SOD3: variants seen among roughly 807,000 people sequenced by gnomAD.
The protein encoded by SOD3 is superoxide dismutase 3.
A neutral mutation model predicts 2.6 loss-of-function variants in SOD3; 3 were observed. The observed-to-expected ratio is 1.13, with a 90% CI of 0.52 to 2.93. The LOEUF (loss-of-function observed/expected upper bound fraction) is 2.93, where lower values mean the gene tolerates loss of function less well. SOD3 is among the 30% of genes most tolerant of loss of function. SOD3 has a pLI of 0.04. For missense variants in SOD3, 379 were observed against 370.4 expected, an observed-to-expected ratio of 1.02 and a Z score of -0.19; for synonymous variants, 188 against 177.5, an observed-to-expected ratio of 1.06 and a Z score of -0.47.
intron 1 of SOD3, 104 bp from the exon 2 acceptor site, chr4:24,799,402 C>T (rs1038221216): frequency 7.4e-7 from 1 of 1,351,536 alleles, no homozygotes. Context: ...AGGAAGCCCA[C>T]TGGGGACTGG....
At chr4:24,796,439 T>TTTG (rs1713663864) in intron 1 of SOD3, among the ~76,000 whole-genome samples, 2 of 121,060 alleles carry the variant, frequency 1.7e-5, no homozygotes, top group South Asian at 6.7e-4. Flanking sequence ...TCTTCTCTTT[T>TTTG]TTTTTTTTTT....
At position 24,799,496 on chromosome 4, in the gene SOD3, C is replaced by T; in HGVS notation, c.-16-10C>T. ...CACTCTGCCCCCACCTCCGCGGGGG[C>T]GTCCCGCAGGTGCCCGACTCCAGCC... is the stretch of plus-strand genomic sequence containing the variant. On this transcript the variant is annotated splice_polypyrimidine_tract_variant and intron_variant, in intron 1 of 1. Coordinates refer to ENST00000382120, the MANE Select transcript of SOD3 (RefSeq NM_003102.4). The T allele has an allele frequency of 6.3e-7, 1 of 1,594,820 alleles. No homozygotes were observed. Among genetic ancestry groups the T allele is most frequent in the Non-Finnish European group, 8.5e-7 (1 of 1,177,878 alleles).
chr4:24,799,414 G>A, intron 1 of SOD3, 92 bp from the exon 2 acceptor site: 2 of 1,440,234 alleles, frequency 1.4e-6, no homozygotes, highest in Non-Finnish European at 1.9e-6. Context: ...GGGGACTGGG[G>A]GGTTGGTTCT....
intron 1 of SOD3, among the ~76,000 whole-genome samples, chr4:24,797,256 T>TG (rs1713693705): frequency 6.6e-6 from 1 of 152,230 alleles, no homozygotes; most frequent in Non-Finnish European, 1.5e-5. Flanking sequence ...AGATGAGAGA[T>TG]GTGCAGTGTG....
At position 24,799,664 on chromosome 4, in the gene SOD3, A is replaced by T. The variant is rs764740237; in HGVS notation, c.143A>T (p.Glu48Val). 11 of 1,601,808 alleles carry T rather than the reference A, an allele frequency of 6.9e-6. No individual in the cohort carries two copies. In the Admixed American group the frequency reaches 1.3e-4, roughly 20 times the overall value. The change falls in exon 2 of 2, where the codon GAG becomes GTG. Residue 48 changes from glutamate (E) to valine (V), a missense_variant. Glu to Val is a moderately radical substitution (Grantham distance 121, BLOSUM62 -2). Transcript: ENST00000382120. ...MYAKVTEIWQEVMQRRDDDGA... is the reference protein window; with the variant it reads ...MYAKVTEIWQVVMQRRDDDGA... ...GCCAAGGTCACGGAGATCTGGCAGG[A>T]GGTCATGCAGCGGCGGGACGACGAC... is the stretch of plus-strand genomic sequence containing the variant.
rs1449540402 is a variant in SOD3, at chr4:24,800,245, G to A, written c.*1G>A. The A allele has an allele frequency of 3.6e-6, 5 of 1,393,468 alleles. No homozygotes were observed. 86.3% of individuals were successfully genotyped at this position (1,393,468 alleles called of 1,614,324 possible). On this transcript the variant is annotated 3_prime_UTR_variant, in exon 2 of 2. Coordinates refer to ENST00000382120, the MANE Select transcript of SOD3 (RefSeq NM_003102.4). The stretch of plus-strand genomic sequence containing the variant: ...CGAGAGCGAGTGCAAGGCCGCCTGA[G>A]CGCGGCCCCCACCCGGCGGCGGCCA...
At position 24,799,679 on chromosome 4, in the gene SOD3, G is replaced by C. The variant is rs751324550; in HGVS notation, c.158G>C (p.Arg53Pro). Residue 53 changes from arginine to proline, a missense_variant, in exon 2 of 2, where the codon CGG (arginine) becomes CCG (proline). Coordinates refer to ENST00000382120, the MANE Select transcript of SOD3 (RefSeq NM_003102.4). ...TEIWQEVMQRRDDDGALHAAC... is the reference protein window; with the variant it reads ...TEIWQEVMQRPDDDGALHAAC... ...ATCTGGCAGGAGGTCATGCAGCGGC[G>C]GGACGACGACGGCGCGCTCCACGCC... 4.4e-6 allele frequency: 7 copies of C among 1,593,812 alleles called. No individual in the cohort carries two copies. The South Asian group carries it at 5.6e-5, about 13-fold the overall frequency.
rs776425101 is a variant in SOD3, at chr4:24,799,721, C to G, written c.200C>G (p.Pro67Arg). ...CTCCACGCCGCCTGCCAGGTGCAGC[C>G]GTCGGCCACGCTGGACGCCGCGCAG... ...GALHAACQVQ[P>R]SATLDAAQPR... Residue 67 changes from proline to arginine, a missense_variant, in exon 2 of 2, where the codon CCG becomes CGG. Physicochemically the swap from Pro to Arg is moderately radical, Grantham distance 103. Transcript: ENST00000382120. 7 of 1,566,150 alleles carry G rather than the reference C, an allele frequency of 4.5e-6. No homozygotes were observed. The highest frequency in any genetic ancestry group is 4.1e-5 in the African/African-American group (3 of 73,970).
At chr4:24,799,038 G>A (rs1250984401) in intron 1 of SOD3, among the ~76,000 whole-genome samples, 1 of 152,212 alleles carries the variant, frequency 6.6e-6, no homozygotes, top group Non-Finnish European at 1.5e-5. Flanking sequence ...GCAGAGAACA[G>A]GGAGAAGGCA....
In SOD3 at chr4:24,799,862, A is replaced by G; in HGVS notation, c.341A>G (p.His114Arg). 6.2e-7 allele frequency: 1 copy of G among 1,602,912 alleles called. No individual in the cohort carries two copies. Among genetic ancestry groups the G allele is most frequent in the Non-Finnish European group, 8.5e-7 (1 of 1,179,212 alleles). The change falls in exon 2 of 2, where the codon CAC (histidine) becomes CGC (arginine). Residue 114 changes from histidine (H) to arginine (R), a missense_variant. Coordinates refer to ENST00000382120, the MANE Select transcript of SOD3 (RefSeq NM_003102.4). ...TEPNSSSRAI[H>R]VHQFGDLSQG... ...CCGAACAGCTCCAGCCGCGCCATCCACGTGCACCAGTTCGGGGACCTGAGC... is the reference window on the plus strand; with the variant it reads ...CCGAACAGCTCCAGCCGCGCCATCCGCGTGCACCAGTTCGGGGACCTGAGC...
chr4:24,796,045 C>T (rs1163114241), intron 1 of SOD3, among the ~76,000 whole-genome samples: 1 of 152,166 alleles, frequency 6.6e-6, no homozygotes, highest in Non-Finnish European at 1.5e-5. Flanking sequence ...CTCAGGCTCC[C>T]AGCAAGAGCT....
rs753928601 is a variant in SOD3 at position 24,799,882 on chromosome 4, C to G, written c.361C>G (p.Leu121Val). The G allele has an allele frequency of 6.2e-7, 1 of 1,602,528 alleles. No homozygotes were observed. Among genetic ancestry groups the G allele is most frequent in the Non-Finnish European group, 8.5e-7 (1 of 1,179,136 alleles). The change falls in exon 2 of 2, where the codon CTG becomes GTG. Residue 121 changes from leucine to valine, a missense_variant. By Grantham distance (32) the Leu-to-Val change is conservative (BLOSUM62 1). Coordinates refer to ENST00000382120, the MANE Select transcript of SOD3 (RefSeq NM_003102.4). ...CATCCACGTGCACCAGTTCGGGGAC[C>G]TGAGCCAGGGCTGCGAGTCCACCGG... ...RAIHVHQFGD[L>V]SQGCESTGPH...
chr4:24,798,427 C>T (rs1478686951), intron 1 of SOD3, among the ~76,000 whole-genome samples: 1 of 152,140 alleles, frequency 6.6e-6, no homozygotes, highest in Non-Finnish European at 1.5e-5. Flanking sequence ...GCCAGTGCTG[C>T]CCGGTGTGTC....
chr4:24,796,675 T>A (rs527308879), intron 1 of SOD3, among the ~76,000 whole-genome samples: 1 of 150,378 alleles, frequency 6.6e-6, no homozygotes, highest in Admixed American at 6.6e-5. Context: ...GTTGGTCTCA[T>A]ACTCTTGTAC....
In SOD3 at chr4:24,799,585, G is replaced by A. The variant is rs1436137712; in HGVS notation, c.64G>A (p.Glu22Lys). ...CGGTGCCTCGGACGCCTGGACGGGCGAGGACTCGGCGGAGCCCAACTCTGA... is the reference window on the plus strand; with the variant it reads ...CGGTGCCTCGGACGCCTGGACGGGCAAGGACTCGGCGGAGCCCAACTCTGA... The part of the protein sequence containing the change: ...AAGASDAWTG[E>K]DSAEPNSDSA... Residue 22 changes from glutamate (E) to lysine (K), a missense_variant, in exon 2 of 2, where the codon GAG becomes AAG. By Grantham distance (56) the Glu-to-Lys change is moderately conservative. Coordinates refer to ENST00000382120, the MANE Select transcript of SOD3 (RefSeq NM_003102.4). 3 of 1,603,318 alleles carry A rather than the reference G, an allele frequency of 1.9e-6. No individual in the cohort carries two copies. Among genetic ancestry groups the A allele is most frequent in the Non-Finnish European group, 2.5e-6 (3 of 1,178,796 alleles).
At chr4:24,797,427 G>T (rs1406115251) in intron 1 of SOD3, among the ~76,000 whole-genome samples, 1 of 152,224 alleles carries the variant, frequency 6.6e-6, no homozygotes, top group East Asian at 1.9e-4. Flanking sequence ...TGAGGATGCA[G>T]GGAATTAACC....
At chr4:24,796,582 G>A (rs1358086327) in intron 1 of SOD3, among the ~76,000 whole-genome samples, 2 of 148,884 alleles carry the variant, frequency 1.3e-5, no homozygotes, top group Non-Finnish European at 3.0e-5. Flanking sequence ...TCAACCTCCT[G>A]AGTAACTGGG....
At chr4:24,797,516 G>A (rs1016905638) in intron 1 of SOD3, among the ~76,000 whole-genome samples, 5 of 152,160 alleles carry the variant, frequency 3.3e-5, no homozygotes, top group South Asian at 2.1e-4. Context: ...TTTAAGCCTC[G>A]CAGCAAGCCT....
In SOD3 at chr4:24,800,124, G is replaced by A. The variant is rs536277640; in HGVS notation, c.603G>A (p.Ala201=). 737 of 1,377,396 alleles carry A rather than the reference G, an allele frequency of 5.4e-4. 3 individuals are homozygous for A. Among genetic ancestry groups the A allele is most frequent in the African/African-American group, 4.9e-3 (319 of 65,332 alleles). The allele number at this position is 1,377,396 out of a possible 1,614,324, so 85.3% of individuals were successfully genotyped here. A position where few individuals can be genotyped will look rare whatever the true frequency, so the allele number is the denominator to read the frequency against. The change falls in exon 2 of 2, where the codon GCG becomes GCA. Residue 201 remains alanine, a synonymous_variant. Coordinates refer to ENST00000382120, the MANE Select transcript of SOD3 (RefSeq NM_003102.4). ...GNQASVENGN[A]GRRLACCVVG... Reference sequence around the variant, plus strand: ...AGGCCAGCGTGGAGAACGGGAACGCGGGCCGGCGGCTGGCCTGCTGCGTGG... The same window carrying A: ...AGGCCAGCGTGGAGAACGGGAACGCAGGCCGGCGGCTGGCCTGCTGCGTGG...
Sources: allele counts gnomAD v4.1 joint callset (sites outside exome capture counted in the v4.1 genomes callset), GRCh38; gene constraint gnomAD v4.1.1; transcripts MANE v1.5; gene names NCBI Gene and HGNC (gene_info 2026-07-23, HGNC 2026-07-21).